Variants in TMTC2 observed in about 807,000 individuals in gnomAD.
TMTC2 encodes protein O-mannosyl-transferase TMTC2.
In TMTC2, 43 loss-of-function variants were observed where a neutral mutation model predicts 82.4. That is an observed-to-expected ratio of 0.52 (90% CI 0.41 to 0.67). TMTC2 has a LOEUF of 0.67. Among genes scored for constraint, TMTC2 ranks in the 30% least tolerant of loss-of-function variants. TMTC2 has a pLI of 0.00. For missense variants in TMTC2, 919 were observed against 1,012.4 expected (o/e 0.91, Z 1.25); for synonymous variants, 408 against 381.9 (o/e 1.07, Z -0.80).
At chr12:83,025,575 C>T (rs1321467667) in intron 8 of TMTC2, among the ~76,000 whole-genome samples, 1 of 152,094 alleles carries the variant, frequency 6.6e-6, no homozygotes, top group Non-Finnish European at 1.5e-5. Flanking sequence ...CAACAGGATG[C>T]CCTACTATTA....
chr12:82,729,881 C>G (rs1053825823), intron 1 of TMTC2, among the ~76,000 whole-genome samples: 1 of 152,174 alleles, frequency 6.6e-6, no homozygotes, highest in African/African-American at 2.4e-5. Flanking sequence ...TGCAGCTTCA[C>G]TCCTGAAGCC....
chr12:82,737,335 T>C (rs1236734699), intron 1 of TMTC2, among the ~76,000 whole-genome samples: 1 of 152,134 alleles, frequency 6.6e-6, no homozygotes, highest in South Asian at 2.1e-4. Flanking sequence ...TTTTTTAATA[T>C]CAGGTCTAAA....
intron 11 of TMTC2, among the ~76,000 whole-genome samples, chr12:83,094,960 C>T (rs1457852553): frequency 3.9e-5 from 6 of 152,068 alleles, no homozygotes; most frequent in Admixed American, 1.3e-4. Flanking sequence ...TTAAAGTCAC[C>T]GGATAGAACT....
chr12:82,896,579 C>G lies in TMTC2; in HGVS notation c.1416C>G (p.Ile472Met). The G allele has an allele frequency of 6.2e-7, 1 of 1,614,050 alleles. No homozygotes were observed. The highest frequency in any genetic ancestry group is 8.5e-7 in the Non-Finnish European group (1 of 1,180,028). ...LIVFYGLKTA[I>M]RNGDWQNEEM... is the part of the protein sequence containing the mutation. ...TTTTTTATGGACTCAAGACTGCGAT[C>G]AGGAATGGAGACTGGCAGAATGAGG... Residue 472 changes from isoleucine to methionine, a missense_variant, in exon 3 of 12, where the codon ATC (isoleucine) becomes ATG (methionine). Coordinates refer to ENST00000321196, the MANE Select transcript of TMTC2 (RefSeq NM_152588.3).
intron 4 of TMTC2, among the ~76,000 whole-genome samples, chr12:82,941,823 G>A (rs1372483578): frequency 6.6e-6 from 1 of 152,072 alleles, no homozygotes; most frequent in Non-Finnish European, 1.5e-5. Context: ...GCAGTGTCAC[G>A]ATCTTGGCTC....
intron 8 of TMTC2, among the ~76,000 whole-genome samples, chr12:83,024,733 T>A (rs1480126098): frequency 4.6e-5 from 7 of 152,240 alleles, no homozygotes; most frequent in Non-Finnish European, 1.5e-5. Context: ...TGTTTCAGCA[T>A]GTGAGCTAGT....
At chr12:83,030,951 G>C (rs1881406769) in intron 9 of TMTC2, 72 bp downstream of exon 9, 3 of 1,148,346 alleles carry the variant, frequency 2.6e-6, no homozygotes, top group Admixed American at 3.5e-5. Flanking sequence ...TCTAGGCTTT[G>C]CTGGCAAAGA....
rs532242986 is a variant in TMTC2 at position 83,134,086 on chromosome 12, T to C, written c.*1697T>C. 6.6e-6 allele frequency: 1 copy of C among 152,620 alleles called. No individual in the cohort carries two copies. The highest frequency in any genetic ancestry group is 1.5e-5 in the Non-Finnish European group (1 of 68,028). The allele number at this position is 152,620 out of a possible 1,614,324, so 9.5% of individuals were successfully genotyped here. ...AGTGTTTTTGTGAGAAGGGTAAATG[T>C]AGTGAGAAAGGTTTTTTCATGGCAT... On this transcript the variant is annotated 3_prime_UTR_variant, in exon 12 of 12. Coordinates refer to ENST00000321196, the MANE Select transcript of TMTC2 (RefSeq NM_152588.3).
At chr12:82,895,597 C>A (rs944415889) in intron 2 of TMTC2, among the ~76,000 whole-genome samples, 1 of 151,888 alleles carries the variant, frequency 6.6e-6, no homozygotes, top group Non-Finnish European at 1.5e-5. Flanking sequence ...AAAAGATAAT[C>A]AAAAAATATA....
intron 11 of TMTC2, among the ~76,000 whole-genome samples, chr12:83,107,892 AGT>A (rs1265577813): frequency 6.6e-6 from 1 of 152,112 alleles, no homozygotes; most frequent in Non-Finnish European, 1.5e-5. Flanking sequence ...TGGAATTCCC[AGT>A]GTTAGAGGAG....
chr12:82,909,340 TTTTG>T (rs908824309), intron 3 of TMTC2, among the ~76,000 whole-genome samples: 6 of 152,100 alleles, frequency 3.9e-5, no homozygotes, highest in Admixed American at 6.6e-5. Context: ...TCATGAAGGT[TTTTG>T]TTTGTTTGTT....
chr12:82,716,086 G>A (rs143329009), intron 1 of TMTC2, among the ~76,000 whole-genome samples: 1 of 152,200 alleles, frequency 6.6e-6, no homozygotes, highest in African/African-American at 2.4e-5. Flanking sequence ...TGTCTAAATT[G>A]TTTCTTCTTT....
intron 1 of TMTC2, among the ~76,000 whole-genome samples, chr12:82,851,566 G>A (rs192445240): frequency 4.5e-4 from 68 of 152,302 alleles, no homozygotes; most frequent in Admixed American, 1.4e-3. Flanking sequence ...ACAGAGAGGT[G>A]AAATAACTGT....
At chr12:82,815,079 G>T (rs997174470) in intron 1 of TMTC2, among the ~76,000 whole-genome samples, 21 of 151,922 alleles carry the variant, frequency 1.4e-4, no homozygotes, top group African/African-American at 5.1e-4. Flanking sequence ...AGTAGTGTGT[G>T]ACAAACATCA....
chr12:83,043,385 A>G (rs2137443562), intron 9 of TMTC2, among the ~76,000 whole-genome samples: 1 of 152,242 alleles, frequency 6.6e-6, no homozygotes, highest in Non-Finnish European at 1.5e-5. Context: ...ATTCCCTTTT[A>G]TGCACTCATC....
chr12:82,723,044 G>A, intron 1 of TMTC2, among the ~76,000 whole-genome samples: 1 of 152,150 alleles, frequency 6.6e-6, no homozygotes, highest in East Asian at 1.9e-4. Flanking sequence ...TAGCTTCATA[G>A]TACCTAGCAC....
chr12:82,892,734 T>C (rs1873458959), intron 2 of TMTC2, among the ~76,000 whole-genome samples: 1 of 152,204 alleles, frequency 6.6e-6, no homozygotes, highest in African/African-American at 2.4e-5. Context: ...CCACAAGATA[T>C]TGTAATAGAA....
chr12:82,858,228 G>C (rs1871356314), intron 2 of TMTC2, among the ~76,000 whole-genome samples: 1 of 152,222 alleles, frequency 6.6e-6, no homozygotes, highest in Admixed American at 6.5e-5. Context: ...GTACAAAGTT[G>C]TTTGAAGGCC....
intron 1 of TMTC2, among the ~76,000 whole-genome samples, chr12:82,736,628 A>C (rs189098645): frequency 6.6e-6 from 1 of 152,336 alleles, no homozygotes; most frequent in Admixed American, 6.5e-5. Context: ...CTTGTCAGAG[A>C]GGGCTAAAAT....
Sources: gnomAD v4.1 joint callset for allele counts (sites outside exome capture counted in the v4.1 genomes callset) on GRCh38, gnomAD v4.1.1 for gene constraint, MANE v1.5 for transcripts, NCBI Gene and HGNC (gene_info 2026-07-23, HGNC 2026-07-21) for gene names.